Variants in OPTN observed in about 807,000 individuals in gnomAD.
OPTN encodes the protein optineurin.
OPTN carries 54 observed loss-of-function variants against 70.4 expected under a neutral mutation model. That is an observed-to-expected ratio of 0.77 (90% confidence interval 0.62 to 0.96). The LOEUF is 0.96. OPTN is among the 40% of genes least tolerant of loss of function. OPTN has a pLI of 0.00. For synonymous variants in OPTN, 256 were observed against 248.5 expected, an observed-to-expected ratio of 1.03 and a Z score of -0.28; for missense variants, 624 against 673.2, an observed-to-expected ratio of 0.93 and a Z score of 0.81.
At chr10:13,130,945 G>T (rs890192718) in intron 12 of OPTN, among the ~76,000 whole-genome samples, 1 of 151,808 alleles carries the variant, frequency 6.6e-6, no homozygotes, top group African/African-American at 2.4e-5. Flanking sequence ...TTGAGGCAGG[G>T]TCACACTCCT....
At chr10:13,117,416 CTT>C (rs531259062) in intron 6 of OPTN, among the ~76,000 whole-genome samples, 1 of 110,248 alleles carries the variant, frequency 9.1e-6, no homozygotes. Flanking sequence ...AGAGATCCAT[CTT>C]TTTTTTTTTT....
At position 13,136,775 on chromosome 10, in the gene OPTN, G is replaced by T; in HGVS notation, c.1643G>T (p.Arg548Leu). The stretch of plus-strand genomic sequence containing the variant: ...GAGGACAGGGACTGGCGGCAACAGC[G>T]GAATATTCCGATTCATTCCTGCCCC... ...GAEDRDWRQQ[R>L]NIPIHSCPKC... Residue 548 changes from arginine (R) to leucine (L), a missense_variant, in exon 15 of 15, where the codon CGG (arginine) becomes CTG (leucine). Coordinates refer to ENST00000378747, the MANE Select transcript of OPTN (RefSeq NM_001008212.2). The T allele has an allele frequency of 6.2e-7, 1 of 1,614,076 alleles. No homozygotes were observed. Among genetic ancestry groups the T allele is most frequent in the Non-Finnish European group, 8.5e-7 (1 of 1,179,984 alleles).
intron 1 of OPTN, among the ~76,000 whole-genome samples, chr10:13,105,021 A>G (rs149288163): frequency 3.0e-4 from 45 of 151,972 alleles, no homozygotes; most frequent in African/African-American, 1.0e-3. Flanking sequence ...GCTGATCTCA[A>G]ACTCCTGGCC....
chr10:13,107,496 A>AGCC (rs1832892570), intron 1 of OPTN, among the ~76,000 whole-genome samples: 1 of 140,576 alleles, frequency 7.1e-6, no homozygotes, highest in Non-Finnish European at 1.5e-5. Flanking sequence ...CTCCTGCCGC[A>AGCC]GCCTCCGGAG....
intron 8 of OPTN, 35 bp downstream of exon 8, chr10:13,122,522 C>A: frequency 7.4e-7 from 1 of 1,360,262 alleles, no homozygotes; most frequent in Non-Finnish European, 1.1e-6. Context: ...CTACCACACC[C>A]ACACACACGA....
intron 2 of OPTN, among the ~76,000 whole-genome samples, 176 bp downstream of exon 2, chr10:13,108,465 C>A (rs1303729395): frequency 6.6e-6 from 1 of 151,982 alleles, no homozygotes; most frequent in Non-Finnish European, 1.5e-5. Flanking sequence ...TGATACCTTG[C>A]CCATGTCTAC....
At chr10:13,115,507 T>TATATTCTATATTATATAATATAGA (rs1382301351) in intron 5 of OPTN, among the ~76,000 whole-genome samples, 1 of 81,366 alleles carries the variant, frequency 1.2e-5, no homozygotes, top group African/African-American at 5.3e-5. Flanking sequence ...TAATATAGAA[T>TATATTCTATATTATATAATATAGA]ATATATAATA....
intron 6 of OPTN, among the ~76,000 whole-genome samples, chr10:13,117,535 TC>T (rs1471330904): frequency 2.1e-5 from 3 of 142,946 alleles, no homozygotes; most frequent in Admixed American, 7.5e-5. Flanking sequence ...AACGTCTGCC[TC>T]CCGGGTACAA....
At position 13,112,506 on chromosome 10, in the gene OPTN, C is replaced by G. The variant is rs377005430; in HGVS notation, c.423C>G (p.Asp141Glu). 11 of 1,614,068 alleles carry G rather than the reference C, an allele frequency of 6.8e-6. No homozygotes were observed. Among genetic ancestry groups the G allele is most frequent in the Non-Finnish European group, 8.5e-6 (10 of 1,180,028 alleles). Residue 141 changes from aspartate to glutamate, a missense_variant, in exon 5 of 15, where the codon GAC becomes GAG. Asp to Glu is a conservative substitution (Grantham distance 45). Coordinates refer to ENST00000378747, the MANE Select transcript of OPTN (RefSeq NM_001008212.2). Reference sequence around the variant, plus strand: ...GGGCCGAAGCGGAGCAGGAAAAGGACCAGCTCAGGACCCAGGTGGTGAGGC... The same window carrying G: ...GGGCCGAAGCGGAGCAGGAAAAGGAGCAGCTCAGGACCCAGGTGGTGAGGC... ...LPRAEAEQEK[D>E]QLRTQVVRLQ...
chr10:13,122,442 G>C lies in OPTN; in HGVS notation c.837G>C (p.Glu279Asp). The stretch of plus-strand genomic sequence containing the variant: ...GTTCTGAGATTGAAACCCAGACAGA[G>C]GGGAGCACAGAGAAAGAGAATGATG... Reference protein sequence around the residue: ...SNRSEIETQTEGSTEKENDEE... With the variant: ...SNRSEIETQTDGSTEKENDEE... Residue 279 changes from glutamate to aspartate, a missense_variant, in exon 8 of 15, where the codon GAG (glutamate) becomes GAC (aspartate). Physicochemically the swap from Glu to Asp is conservative, Grantham distance 45. Coordinates refer to ENST00000378747, the MANE Select transcript of OPTN (RefSeq NM_001008212.2). 6.2e-7 allele frequency: 1 copy of C among 1,614,094 alleles called. No homozygotes were observed. Among genetic ancestry groups the C allele is most frequent in the South Asian group, 1.1e-5 (1 of 91,086 alleles).
In OPTN at chr10:13,137,046, G is replaced by GA. The variant is rs1771907724; in HGVS notation, c.*181dup. On this transcript the variant is annotated 3_prime_UTR_variant, in exon 15 of 15. Transcript: ENST00000378747. ...TGTAATCCCAGCACTTTGGGAGGTC[G>GA]AGGTGGGTGGATCACTTGGGGTCAG... 11 of 714,092 alleles carry GA rather than the reference G, an allele frequency of 1.5e-5. No individual in the cohort carries two copies. The Middle Eastern group carries it at 1.5e-3, about 99-fold the overall frequency. The allele number at this position is 714,092 out of a possible 1,614,324, so 44.2% of individuals were successfully genotyped here.
intron 4 of OPTN, among the ~76,000 whole-genome samples, chr10:13,111,070 A>G (rs1832984806): frequency 6.6e-6 from 1 of 152,224 alleles, no homozygotes; most frequent in Admixed American, 6.5e-5. Context: ...GTAATGACAC[A>G]ACCCAGAACA....
intron 12 of OPTN, among the ~76,000 whole-genome samples, 188 bp from the exon 13 acceptor site, chr10:13,131,879 A>C (rs575361150): frequency 2.0e-5 from 3 of 152,314 alleles, no homozygotes; most frequent in Admixed American, 1.3e-4. Flanking sequence ...ACACACAAAC[A>C]CAGCTTGTAT....
chr10:13,126,900 T>C lies in OPTN; in HGVS notation c.1243-845T>C, dbSNP rs564582768. Among the ~76,000 whole-genome samples, 45 of 152,216 alleles carry C rather than the reference T, an allele frequency of 3.0e-4. 1 individual carries two copies. Among genetic ancestry groups the C allele is most frequent in the Non-Finnish European group, 5.7e-4 (39 of 68,008 alleles). On this transcript the variant is annotated intron_variant, in intron 11 of 14. Coordinates refer to ENST00000378747, the MANE Select transcript of OPTN (RefSeq NM_001008212.2). ...GTTAACCAAGTGTGATGTTCGTGCC[T>C]GCGGTCCCAGCTCCTTGGGAGGCTG...
At chr10:13,111,881 T>C (rs1454336401) in intron 4 of OPTN, among the ~76,000 whole-genome samples, 2 of 131,490 alleles carry the variant, frequency 1.5e-5, no homozygotes, top group South Asian at 2.6e-4. Flanking sequence ...GGAGTCTTGC[T>C]CTGTTGCCCA....
intron 5 of OPTN, 61 bp from the exon 6 acceptor site, chr10:13,116,206 T>C: frequency 8.7e-7 from 1 of 1,147,382 alleles, no homozygotes; most frequent in Non-Finnish European, 1.3e-6. Flanking sequence ...TTTCTTCTTT[T>C]GACAAAGAAT....
In OPTN at chr10:13,132,120, T is replaced by C; in HGVS notation, c.1455T>C (p.Ile485=). ...FHAERAAREK[I]HEEKEQLALQ... ...CTGAAAGAGCAGCGAGAGAGAAAAT[T>C]CATGAGGAAAAGGAGCAACTGGCAT... Residue 485 remains isoleucine (I), a synonymous_variant, in exon 13 of 15, where the codon ATT becomes ATC. Transcript: ENST00000378747. The C allele has an allele frequency of 1.2e-6, 2 of 1,613,620 alleles. No individual in the cohort carries two copies. The highest frequency in any genetic ancestry group is 1.7e-6 in the Non-Finnish European group (2 of 1,179,708).
intron 7 of OPTN, 36 bp downstream of exon 7, chr10:13,119,076 TA>T (rs975235938): frequency 3.8e-6 from 6 of 1,580,762 alleles, no homozygotes; most frequent in Non-Finnish European, 3.5e-6. Flanking sequence ...TGTGTTTTTT[TA>T]AAACAGCTTT....
intron 2 of OPTN, chr10:13,108,871 T>TACACAC (rs560434006): frequency 2.0e-6 from 1 of 494,034 alleles, no homozygotes; most frequent in Non-Finnish European, 3.8e-6. Flanking sequence ...TATACACCCA[T>TACACAC]ACACACACAC....
Sources: allele counts gnomAD v4.1 joint callset (sites outside exome capture counted in the v4.1 genomes callset), GRCh38; gene constraint gnomAD v4.1.1; transcripts MANE v1.5; gene names NCBI Gene and HGNC (gene_info 2026-07-23, HGNC 2026-07-21).